Variants in CATSPERE observed in about 807,000 individuals in gnomAD.
CATSPERE encodes catsper channel auxiliary subunit epsilon.
A neutral mutation model predicts 114.1 loss-of-function variants in CATSPERE; 93 were observed. That is an observed-to-expected ratio of 0.81 (90% CI 0.69 to 0.97). The LOEUF (loss-of-function observed/expected upper bound fraction) is 0.97. Ranked by LOEUF, CATSPERE falls within the 50% of genes least tolerant of loss-of-function variation. The pLI, the probability that CATSPERE is intolerant of heterozygous loss-of-function variation, is 0.00. For missense variants in CATSPERE, 1,058 were observed against 1,131.6 expected (o/e 0.93, Z 0.93); for synonymous variants, 341 against 384.1 (o/e 0.89, Z 1.31).
At chr1:244,510,835 C>CTTTTTTTTTTTTTTTTTTT (rs747921082) in intron 7 of CATSPERE, among the ~76,000 whole-genome samples, 13 of 48,340 alleles carry the variant, frequency 2.7e-4, no homozygotes, top group Non-Finnish European at 3.6e-4. Flanking sequence ...TTTTCTTTTT[C>CTTTTTTTTTTTTTTTTTTT]TTTTTTTTTT....
Position 244,608,000 on chromosome 1 carries a change from A to T in CATSPERE, c.2403+2206A>T, listed in dbSNP as rs1259860099. ...CACACACCTGTAATCCCAGCTACTC[A>T]GGAGGCTGAGACAGGAGAATCGCTT... On this transcript the variant is annotated intron_variant, in intron 18 of 21. Transcript: ENST00000366534. This position sits in a 1 kb window ranked among gnomAD's most constrained non-coding sequence, Gnocchi z 4.4. Among the ~76,000 whole-genome samples the T allele has an allele frequency of 6.6e-6, 1 of 152,128 alleles. No individual in the cohort carries two copies. The highest frequency in any genetic ancestry group is 1.5e-5 in the Non-Finnish European group (1 of 68,024).
intron 17 of CATSPERE, among the ~76,000 whole-genome samples, chr1:244,596,420 T>G (rs937599348): frequency 1.3e-5 from 2 of 152,236 alleles, no homozygotes; most frequent in African/African-American, 4.8e-5. Context: ...AAACTTGCTT[T>G]CTTTCACTGT....
At chr1:244,629,503 CTTTT>C (rs369560104) in intron 20 of CATSPERE, among the ~76,000 whole-genome samples, 6 of 82,298 alleles carry the variant, frequency 7.3e-5, no homozygotes, top group African/African-American at 2.0e-4. Flanking sequence ...TCTCTCTTAC[CTTTT>C]TTTTTTTTTT....
At chr1:244,602,357 C>T (rs1406607249) in intron 17 of CATSPERE, among the ~76,000 whole-genome samples, 1 of 152,214 alleles carries the variant, frequency 6.6e-6, no homozygotes, top group East Asian at 1.9e-4. Context: ...AATTTAGCTG[C>T]TCACTCTGAG....
At position 244,463,914 on chromosome 1, in the gene CATSPERE, C is replaced by T. The variant is rs1467410427; in HGVS notation, c.72C>T (p.Ser24=). The change falls in exon 2 of 22, where the codon TCC becomes TCT. Residue 24 remains serine, a synonymous_variant. Coordinates refer to ENST00000366534, the MANE Select transcript of CATSPERE (RefSeq NM_001130957.2). ...TTGGCCTCTTCCTCCACAGGTATTC[C>T]ACTAACAGCCCAAACTATCGCATTT... ...SCYGSALWRY[S]TNSPNYRIFS... is the part of the protein sequence containing the mutation. 1 of 1,598,874 alleles carries T rather than the reference C, an allele frequency of 6.3e-7. No individual in the cohort carries two copies. Among genetic ancestry groups the T allele is most frequent in the South Asian group, 1.1e-5 (1 of 90,588 alleles).
In CATSPERE at chr1:244,568,216, C is replaced by G. The variant is rs1572796706; in HGVS notation, c.1508-4114C>G. On this transcript the variant is annotated intron_variant, in intron 10 of 21. Transcript: ENST00000366534. The surrounding 1 kb of genome is among the most constrained non-coding windows in gnomAD (Gnocchi z 4.4). ...TGCTGCCTGTTCCTTCCTCTGGAAG[C>G]TTTGTCCCAGAGGGGCACCCGCCAG... 6.6e-6 allele frequency among the ~76,000 whole-genome samples: 1 copy of G among 152,184 alleles called. No homozygotes were observed. The highest frequency in any genetic ancestry group is 2.4e-5 in the African/African-American group (1 of 41,454).
At chr1:244,557,085 C>G (rs988328486) in intron 9 of CATSPERE, among the ~76,000 whole-genome samples, 1 of 152,056 alleles carries the variant, frequency 6.6e-6, no homozygotes, top group Non-Finnish European at 1.5e-5. Context: ...GCCTATGTGT[C>G]TATTTTTCAG....
At chr1:244,536,357 T>C (rs1680384615) in intron 8 of CATSPERE, among the ~76,000 whole-genome samples, 1 of 152,144 alleles carries the variant, frequency 6.6e-6, no homozygotes, top group African/African-American at 2.4e-5. Flanking sequence ...CTCTGTGGCC[T>C]AGACTATCTT....
chr1:244,532,202 T>A (rs1324206732), intron 8 of CATSPERE, among the ~76,000 whole-genome samples: 2 of 152,054 alleles, frequency 1.3e-5, no homozygotes, highest in East Asian at 3.8e-4. Flanking sequence ...TTTATTTGAG[T>A]CTTCTCTCTT....
intron 6 of CATSPERE, among the ~76,000 whole-genome samples, chr1:244,493,293 C>T (rs1672541700): frequency 6.6e-6 from 1 of 152,156 alleles, no homozygotes; most frequent in South Asian, 2.1e-4. Context: ...AGAAATACTG[C>T]CACATATCTA....
chr1:244,462,920 G>A (rs1667038146), intron 1 of CATSPERE, among the ~76,000 whole-genome samples: 1 of 152,154 alleles, frequency 6.6e-6, no homozygotes, highest in African/African-American at 2.4e-5. Flanking sequence ...GGTATGCAAT[G>A]TAGACATGGA....
In CATSPERE at chr1:244,518,780, T is replaced by C. The variant is rs1677051466; in HGVS notation, c.536+82T>C. 5.5e-6 allele frequency: 4 copies of C among 729,350 alleles called. No homozygotes were observed. In the Admixed American group the frequency reaches 9.5e-5, roughly 17 times the overall value. 45.2% of individuals were successfully genotyped at this position (729,350 alleles called of 1,614,324 possible). On this transcript the variant is annotated intron_variant, in intron 8 of 21. Transcript: ENST00000366534. ...AAAATCCTAGTGGAACTTAATGAAA[T>C]GTGTCTTATATGTTATTTTCAAGTG...
At chr1:244,456,432 A>G (rs964282248), upstream of CATSPERE, among the ~76,000 whole-genome samples, 2 of 152,146 alleles carry the variant, frequency 1.3e-5, no homozygotes, top group Non-Finnish European at 2.9e-5. Context: ...ATGTTTATAT[A>G]TAAAAGAGCT....
Position 244,577,489 on chromosome 1 carries a change from A to G in CATSPERE, c.1951-4307A>G, listed in dbSNP as rs537070010. Reference sequence around the variant, plus strand: ...CTCAAACCAGGTGGCTTATAACAACAGAAATTTACTTTCTCATAGTTCTGG... The same window carrying G: ...CTCAAACCAGGTGGCTTATAACAACGGAAATTTACTTTCTCATAGTTCTGG... On this transcript the variant is annotated intron_variant, in intron 11 of 21. Coordinates refer to ENST00000366534, the MANE Select transcript of CATSPERE (RefSeq NM_001130957.2). Among the ~76,000 whole-genome samples the G allele has an allele frequency of 1.8e-3, 281 of 152,330 alleles. 2 individuals carry two copies. The highest frequency in any genetic ancestry group is 7.7e-4 in the East Asian group (4 of 5,190).
intron 20 of CATSPERE, among the ~76,000 whole-genome samples, chr1:244,631,730 G>A (rs1673969279): frequency 6.6e-6 from 1 of 152,152 alleles, no homozygotes; most frequent in African/African-American, 2.4e-5. Flanking sequence ...ATTAGAAAAT[G>A]CAAATTAAAA....
At chr1:244,458,885 A>G (rs1387566640), upstream of CATSPERE, among the ~76,000 whole-genome samples, 1 of 152,226 alleles carries the variant, frequency 6.6e-6, no homozygotes, top group Admixed American at 6.5e-5. Flanking sequence ...AAGTTCACTT[A>G]TAGAGCCAAT....
chr1:244,621,969 T>A (rs1196306198), intron 20 of CATSPERE, among the ~76,000 whole-genome samples: 3 of 152,192 alleles, frequency 2.0e-5, no homozygotes, highest in Non-Finnish European at 4.4e-5. Context: ...CACAGTGTCA[T>A]TAACCGTAAA....
intron 11 of CATSPERE, among the ~76,000 whole-genome samples, chr1:244,581,408 A>G (rs932367246): frequency 1.2e-4 from 18 of 152,224 alleles, no homozygotes; most frequent in African/African-American, 4.3e-4. Flanking sequence ...AAAAGCACAT[A>G]TAAACATTTC....
At chr1:244,501,928 A>G (rs928119214) in intron 7 of CATSPERE, among the ~76,000 whole-genome samples, 2 of 152,046 alleles carry the variant, frequency 1.3e-5, no homozygotes, top group African/African-American at 4.8e-5. Flanking sequence ...GTCTCCTCAC[A>G]CACACCTGCT....
Sources: allele counts gnomAD v4.1 joint callset (sites outside exome capture counted in the v4.1 genomes callset), GRCh38; gene constraint gnomAD v4.1.1; non-coding constraint Gnocchi (gnomAD v3.1); transcripts MANE v1.5; gene names NCBI Gene and HGNC (gene_info 2026-07-23, HGNC 2026-07-21).